Variants in NEGR1 observed in about 807,000 individuals in gnomAD.
The protein encoded by NEGR1 is IgLON family member 4.
In NEGR1, 10 loss-of-function variants were observed where a neutral mutation model predicts 40.9. The observed-to-expected ratio is 0.24, with a 90% CI of 0.15 to 0.42. NEGR1 has a LOEUF of 0.42. NEGR1 is among the 10% of genes least tolerant of loss of function. NEGR1 has a pLI of 1.00. For missense variants in NEGR1, 352 were observed against 438.9 expected (o/e 0.80, Z 1.77); for synonymous variants, 185 against 166.8 (o/e 1.11, Z -0.84).
intron 3 of NEGR1, among the ~76,000 whole-genome samples, chr1:71,707,956 C>T (rs1481317271): frequency 6.6e-6 from 1 of 152,080 alleles, no homozygotes; most frequent in African/African-American, 2.4e-5. Flanking sequence ...GCTTGGGATG[C>T]CCGTAAAGCA....
intron 1 of NEGR1, among the ~76,000 whole-genome samples, chr1:72,170,255 G>T (rs1212960062): frequency 6.6e-6 from 1 of 152,006 alleles, no homozygotes; most frequent in East Asian, 1.9e-4. Context: ...CTATATTTCA[G>T]GCCTTTCCTT....
chr1:72,043,819 C>T (rs1445517854), intron 1 of NEGR1, among the ~76,000 whole-genome samples: 1 of 151,800 alleles, frequency 6.6e-6, no homozygotes, highest in African/African-American at 2.4e-5. Flanking sequence ...TTCTGTAACC[C>T]ATTTTGTATT....
intron 1 of NEGR1, among the ~76,000 whole-genome samples, chr1:72,066,194 A>G (rs550836194): frequency 6.6e-6 from 1 of 152,300 alleles, no homozygotes; most frequent in South Asian, 2.1e-4. Flanking sequence ...AGACTGAGGC[A>G]TCGGAAGGTT....
At chr1:71,949,030 T>C (rs1557450250) in intron 1 of NEGR1, among the ~76,000 whole-genome samples, 1 of 152,070 alleles carries the variant, frequency 6.6e-6, no homozygotes, top group African/African-American at 2.4e-5. Flanking sequence ...GAAATACTGA[T>C]ATGGCTTCTT....
At chr1:71,976,203 T>G (rs1481014518) in intron 1 of NEGR1, among the ~76,000 whole-genome samples, 1 of 152,248 alleles carries the variant, frequency 6.6e-6, no homozygotes, top group Admixed American at 6.5e-5. Flanking sequence ...ATTTTTTGTT[T>G]CTTTCCTTTT....
intron 1 of NEGR1, among the ~76,000 whole-genome samples, chr1:72,261,890 T>A (rs11209942): frequency 6.7e-6 from 1 of 149,348 alleles, no homozygotes; most frequent in African/African-American, 2.6e-5. Flanking sequence ...AGGTGAGGGA[T>A]AAAAAATTAC....
intron 3 of NEGR1, among the ~76,000 whole-genome samples, chr1:71,727,571 A>T (rs1416186156): frequency 6.6e-6 from 1 of 152,154 alleles, no homozygotes; most frequent in East Asian, 1.9e-4. Context: ...AATCACCAAA[A>T]CAAGCACAAA....
At chr1:72,081,395 T>G (rs1034888460) in intron 1 of NEGR1, among the ~76,000 whole-genome samples, 1 of 152,072 alleles carries the variant, frequency 6.6e-6, no homozygotes, top group Non-Finnish European at 1.5e-5. Flanking sequence ...CAGTTATTAT[T>G]CCACAAAATT....
chr1:72,064,681 C>G (rs975983055), intron 1 of NEGR1, among the ~76,000 whole-genome samples: 2 of 151,990 alleles, frequency 1.3e-5, no homozygotes, highest in Non-Finnish European at 2.9e-5. Context: ...TACACTGCAA[C>G]CATTAATCAT....
chr1:71,466,539 T>C (rs1646747075), intron 6 of NEGR1, among the ~76,000 whole-genome samples: 1 of 152,052 alleles, frequency 6.6e-6, no homozygotes, highest in South Asian at 2.1e-4. Context: ...GGAATGGTGA[T>C]CGAGAGTACT....
chr1:71,797,948 C>A (rs987359361), intron 2 of NEGR1: 3 of 151,708 alleles, frequency 2.0e-5, no homozygotes, highest in Non-Finnish European at 4.4e-5. Flanking sequence ...GCAGAAAGTA[C>A]TCAACTATAA....
intron 1 of NEGR1, among the ~76,000 whole-genome samples, chr1:72,194,863 C>G (rs1299306711): frequency 6.6e-6 from 1 of 152,080 alleles, no homozygotes. Context: ...CTCTTCTGCA[C>G]ATCTTGAAAG....
chr1:71,560,797 T>TA (rs1242837157), intron 6 of NEGR1, among the ~76,000 whole-genome samples: 7 of 151,474 alleles, frequency 4.6e-5, no homozygotes, highest in Non-Finnish European at 8.9e-5. Flanking sequence ...ATAAGCTTCA[T>TA]ATCCATTGTC....
chr1:72,101,211 G>C (rs1357761212), intron 1 of NEGR1, among the ~76,000 whole-genome samples: 2 of 152,102 alleles, frequency 1.3e-5, no homozygotes, highest in African/African-American at 4.8e-5. Context: ...TTCAGTAGAA[G>C]TCATCTGTGT....
At chr1:72,153,141 T>G (rs1651187567) in intron 1 of NEGR1, among the ~76,000 whole-genome samples, 1 of 151,282 alleles carries the variant, frequency 6.6e-6, no homozygotes. Flanking sequence ...AATTAAAAAA[T>G]TAAAGAACAA....
At chr1:71,925,366 C>T (rs938693924) in intron 2 of NEGR1, among the ~76,000 whole-genome samples, 120 of 152,122 alleles carry the variant, frequency 7.9e-4, no homozygotes, top group African/African-American at 2.9e-3. Context: ...CCCTTTTTCC[C>T]CGAATCTTTC....
At chr1:72,230,519 C>T (rs559420502) in intron 1 of NEGR1, among the ~76,000 whole-genome samples, 1 of 152,034 alleles carries the variant, frequency 6.6e-6, no homozygotes, top group South Asian at 2.1e-4. Flanking sequence ...GAAAACTAGA[C>T]TTTGCTGAAT....
intron 1 of NEGR1, among the ~76,000 whole-genome samples, chr1:72,196,531 A>G (rs541987572): frequency 1.3e-5 from 2 of 152,236 alleles, no homozygotes; most frequent in Non-Finnish European, 2.9e-5. Flanking sequence ...GCACTTTGGG[A>G]GTCCGAGGCA....
chr1:71,478,293 A>T (rs1358712779), intron 6 of NEGR1, among the ~76,000 whole-genome samples: 1 of 152,070 alleles, frequency 6.6e-6, no homozygotes, highest in East Asian at 1.9e-4. Flanking sequence ...TAGCAAGTGC[A>T]AAACTTCAGA....
Sources: allele counts gnomAD v4.1 joint callset (sites outside exome capture counted in the v4.1 genomes callset), GRCh38; gene constraint gnomAD v4.1.1; transcripts MANE v1.5; gene names NCBI Gene and HGNC (gene_info 2026-07-23, HGNC 2026-07-21).